Variants in TENM2 observed in about 807,000 individuals in gnomAD.
The protein encoded by TENM2 is teneurin-2.
In TENM2, 52 loss-of-function variants were observed where a neutral mutation model predicts 245.2. That is an observed-to-expected ratio of 0.21 (90% CI 0.17 to 0.27). The LOEUF (loss-of-function observed/expected upper bound fraction) is 0.27, where lower values mean the gene tolerates loss of function less well. Ranked by LOEUF, TENM2 falls within the 10% of genes least tolerant of loss-of-function variation. TENM2 has a pLI of 1.00. For missense variants in TENM2, 3,046 were observed against 3,666.8 expected (o/e 0.83, Z 4.37); for synonymous variants, 1,363 against 1,438.9 (o/e 0.95, Z 1.19).
intron 1 of TENM2, among the ~76,000 whole-genome samples, chr5:167,336,319 C>A (rs1757751840): frequency 6.6e-6 from 1 of 151,322 alleles, no homozygotes; most frequent in African/African-American, 2.4e-5. Context: ...CTTGGGAGAG[C>A]TGCTTGGAGT....
the TENM2 span, among the ~76,000 whole-genome samples, chr5:167,279,511 T>TC: frequency 3.1e-5 from 4 of 127,752 alleles, no homozygotes; most frequent in Admixed American, 7.9e-5. Context: ...TTTCCTTCCT[T>TC]CCTTTCCTTC....
At chr5:167,317,063 G>A (rs894618799) in intron 1 of TENM2, among the ~76,000 whole-genome samples, 4 of 151,940 alleles carry the variant, frequency 2.6e-5, no homozygotes, top group African/African-American at 9.7e-5. Flanking sequence ...TTGATAACTT[G>A]TAGTATCATT....
intron 27 of TENM2, among the ~76,000 whole-genome samples, chr5:168,251,059 G>C (rs1318724339): frequency 6.6e-6 from 1 of 152,098 alleles, no homozygotes; most frequent in Non-Finnish European, 1.5e-5. Flanking sequence ...ACTGTGAATG[G>C]GGAGGTTGAC....
intron 2 of TENM2, among the ~76,000 whole-genome samples, chr5:167,489,275 C>CTAA (rs1768278410): frequency 1.3e-5 from 2 of 152,242 alleles, no homozygotes; most frequent in Non-Finnish European, 2.9e-5. Context: ...CCTATGCAAT[C>CTAA]TGGCTCTACT....
chr5:167,960,828 G>A (rs1178389189), intron 4 of TENM2, among the ~76,000 whole-genome samples: 1 of 152,236 alleles, frequency 6.6e-6, no homozygotes, highest in Non-Finnish European at 1.5e-5. Flanking sequence ...CCCTGGTGGT[G>A]TAGGCACCCA....
At chr5:167,356,388 G>T (rs1759337081) in intron 1 of TENM2, among the ~76,000 whole-genome samples, 1 of 152,032 alleles carries the variant, frequency 6.6e-6, no homozygotes, top group South Asian at 2.1e-4. Context: ...GCATCCTAAG[G>T]CAGTGGGCTT....
chr5:167,118,986 A>C, the TENM2 span, among the ~76,000 whole-genome samples: 8 of 152,332 alleles, frequency 5.3e-5, no homozygotes, highest in East Asian at 1.5e-3. Context: ...CAGAGGATTC[A>C]ACCAGGGATT....
chr5:167,494,189 T>C (rs1247852567), intron 2 of TENM2, among the ~76,000 whole-genome samples: 2 of 152,186 alleles, frequency 1.3e-5, no homozygotes, highest in South Asian at 2.1e-4. Flanking sequence ...GAACTTCAGA[T>C]GGAGAACACA....
At chr5:167,583,043 T>A (rs1775204693) in intron 2 of TENM2, among the ~76,000 whole-genome samples, 1 of 152,194 alleles carries the variant, frequency 6.6e-6, no homozygotes, top group Admixed American at 6.5e-5. Context: ...GCCAAGTTTT[T>A]CTCTGGAACA....
At chr5:167,688,384 A>C (rs1757215578) in intron 2 of TENM2, among the ~76,000 whole-genome samples, 1 of 152,178 alleles carries the variant, frequency 6.6e-6, no homozygotes, top group Non-Finnish European at 1.5e-5. Flanking sequence ...GCATGTGATC[A>C]CATCCTTAAA....
chr5:167,528,556 T>G (rs1431247160), intron 2 of TENM2, among the ~76,000 whole-genome samples: 2 of 152,204 alleles, frequency 1.3e-5, no homozygotes, highest in African/African-American at 4.8e-5. Flanking sequence ...ATTCTTACCA[T>G]AGTATCTGCC....
chr5:167,573,071 C>CT (rs67034616), intron 2 of TENM2, among the ~76,000 whole-genome samples: 571 of 148,974 alleles, frequency 3.8e-3, no homozygotes, highest in African/African-American at 4.6e-3. Context: ...GGTGTGGGCT[C>CT]TTTTTTTTTT....
intron 2 of TENM2, among the ~76,000 whole-genome samples, chr5:167,503,816 C>A (rs1320440699): frequency 6.6e-6 from 1 of 152,140 alleles, no homozygotes; most frequent in Non-Finnish European, 1.5e-5. Context: ...ATCACTTGAG[C>A]CCAGGAGGCA....
Position 168,226,277 on chromosome 5 carries a change from CA to C in TENM2, c.5284+15del, listed in dbSNP as rs777282551. 17 of 1,609,144 alleles carry C rather than the reference CA, an allele frequency of 1.1e-5. No homozygotes were observed. Among genetic ancestry groups the C allele is most frequent in the African/African-American group, 8.0e-5 (6 of 74,894 alleles). ...CAGTGGTACAAGGTGAGCCTCCACC[CA>C]TACCATCCTACCCCCAAACTCACCC... is the stretch of plus-strand genomic sequence containing the variant. On this transcript the variant is annotated intron_variant, in intron 24 of 28. Transcript: ENST00000518659.
rs527783188 is a variant in TENM2 at position 167,962,612 on chromosome 5, T to A, written c.947+9790T>A. 7.8e-4 allele frequency among the ~76,000 whole-genome samples: 119 copies of A among 152,316 alleles called. 1 individual carries two copies. The highest frequency in any genetic ancestry group is 2.7e-3 in the African/African-American group (111 of 41,568). On this transcript the variant is annotated intron_variant, in intron 4 of 28. Transcript: ENST00000518659. ...TAATTTATAGAGGAAACAGATTTAA[T>A]TGACTGACAGTTCAGCATGACGGGG... is the stretch of plus-strand genomic sequence containing the variant.
chr5:167,741,385 G>C (rs771483885), intron 2 of TENM2, among the ~76,000 whole-genome samples: 15 of 152,170 alleles, frequency 9.9e-5, no homozygotes, highest in Non-Finnish European at 1.9e-4. Flanking sequence ...TAAGATTCAT[G>C]ATCTTCAAAA....
the TENM2 span, among the ~76,000 whole-genome samples, chr5:166,981,357 A>T: frequency 1.3e-5 from 2 of 152,154 alleles, no homozygotes; most frequent in Non-Finnish European, 2.9e-5. Context: ...GTGGGGGGAA[A>T]ATCCAGCTTG....
chr5:167,130,912 T>A, the TENM2 span, among the ~76,000 whole-genome samples: 4,921 of 118,398 alleles, frequency 0.042, 105 homozygotes, highest in South Asian at 0.066. Flanking sequence ...TTTTTTTTTT[T>A]AAAAAAAAAA....
the TENM2 span, among the ~76,000 whole-genome samples, chr5:167,078,243 G>T: frequency 6.6e-6 from 1 of 152,090 alleles, no homozygotes; most frequent in Non-Finnish European, 1.5e-5. Context: ...CAGCACTTTG[G>T]GAGGCTAAGA....
Sources: gnomAD v4.1 joint callset for allele counts (sites outside exome capture counted in the v4.1 genomes callset) on GRCh38, gnomAD v4.1.1 for gene constraint, MANE v1.5 for transcripts, NCBI Gene and HGNC (gene_info 2026-07-23, HGNC 2026-07-21) for gene names.